CD200R1: variants seen among roughly 807,000 people sequenced by gnomAD.
The protein encoded by CD200R1 is cell surface glycoprotein CD200 receptor 1.
Under a neutral mutation model 38.1 loss-of-function variants are expected in CD200R1, and 30 were observed. The ratio of observed to expected loss-of-function variants is 0.79; its 90% CI spans 0.59 to 1.07. The LOEUF (loss-of-function observed/expected upper bound fraction) is 1.07. Ranked by LOEUF, CD200R1 falls within the 50% of genes least tolerant of loss-of-function variation. The pLI is 0.00. For missense variants in CD200R1, 372 were observed against 415.4 expected (o/e 0.90, Z 0.91); for synonymous variants, 128 against 152.1 (o/e 0.84, Z 1.16).
intron 1 of CD200R1, among the ~76,000 whole-genome samples, chr3:112,948,851 C>CT (rs1247220171): frequency 4.6e-5 from 7 of 152,160 alleles, no homozygotes; most frequent in Admixed American, 1.3e-4. Context: ...ACAATATCCC[C>CT]TTTTTTCCAA....
intron 2 of CD200R1, among the ~76,000 whole-genome samples, chr3:112,939,606 G>C (rs1018179023): frequency 2.6e-5 from 4 of 151,692 alleles, no homozygotes; most frequent in African/African-American, 9.7e-5. Flanking sequence ...ATCTCTGCAA[G>C]TAAAGCCATA....
intron 2 of CD200R1, among the ~76,000 whole-genome samples, chr3:112,942,699 AC>A (rs770994444): frequency 2.0e-5 from 3 of 151,554 alleles, no homozygotes; most frequent in Non-Finnish European, 3.0e-5. Context: ...AAAAAGCAAG[AC>A]CAATTATATG....
chr3:112,966,915 G>A (rs1161454627), intron 1 of CD200R1, among the ~76,000 whole-genome samples: 2 of 151,980 alleles, frequency 1.3e-5, no homozygotes, highest in Non-Finnish European at 2.9e-5. Flanking sequence ...CTGCTCCCAC[G>A]TCTATCTACT....
rs182754189 is a variant in CD200R1, at chr3:112,969,377, A to G, written c.67+5414T>C. On this transcript the variant is annotated intron_variant, in intron 1 of 7. Coordinates refer to ENST00000308611, the MANE Select transcript of CD200R1 (RefSeq NM_138806.4). ...GACCTACACTACTAGAAACAATAAC[A>G]GAAATTATTCAGGATGAAAGAAAAT... Among the ~76,000 whole-genome samples the G allele has an allele frequency of 2.6e-4, 40 of 152,332 alleles. 1 individual carries two copies. The highest frequency in any genetic ancestry group is 7.2e-4 in the Admixed American group (11 of 15,298).
intron 2 of CD200R1, among the ~76,000 whole-genome samples, chr3:112,946,069 A>G (rs1205974129): frequency 6.6e-6 from 1 of 151,368 alleles, no homozygotes; most frequent in Non-Finnish European, 1.5e-5. Flanking sequence ...CGAAAAGATA[A>G]GCCACATACT....
chr3:112,943,629 G>T (rs1016767391), intron 2 of CD200R1, among the ~76,000 whole-genome samples: 1 of 151,336 alleles, frequency 6.6e-6, no homozygotes, highest in African/African-American at 2.4e-5. Flanking sequence ...AATTAGAACA[G>T]AAGACAATAA....
At chr3:112,939,568 C>G (rs149310014) in intron 2 of CD200R1, among the ~76,000 whole-genome samples, 3,244 of 151,036 alleles carry the variant, frequency 0.021, 40 homozygotes, top group South Asian at 0.048. Context: ...AAAATATCTA[C>G]GAATGAATTT....
At chr3:112,966,731 C>T (rs1386791569) in intron 1 of CD200R1, among the ~76,000 whole-genome samples, 1 of 152,026 alleles carries the variant, frequency 6.6e-6, no homozygotes, top group East Asian at 1.9e-4. Context: ...CCTTTGAACA[C>T]ATTCAGGTTT....
At chr3:112,962,668 T>A (rs1933052520) in intron 1 of CD200R1, among the ~76,000 whole-genome samples, 1 of 152,172 alleles carries the variant, frequency 6.6e-6, no homozygotes, top group South Asian at 2.1e-4. Context: ...TTATTATTAA[T>A]TGGCAGCTAA....
At chr3:112,929,627 AT>A in intron 3 of CD200R1, 120 bp from the exon 4 acceptor site, 1 of 869,604 alleles carries the variant, frequency 1.1e-6, no homozygotes, top group African/African-American at 1.7e-5. Flanking sequence ...TATTCCAAAA[AT>A]ATTAGACCTT....
intron 6 of CD200R1, 97 bp downstream of exon 6, chr3:112,924,988 T>C (rs961222202): frequency 1.9e-5 from 14 of 730,992 alleles, no homozygotes; most frequent in Non-Finnish European, 3.1e-5. Context: ...GATTTGATGT[T>C]AACATCCTAA....
intron 1 of CD200R1, among the ~76,000 whole-genome samples, chr3:112,971,107 A>AG (rs76701518): frequency 0.028 from 4,329 of 152,284 alleles, 192 homozygotes; most frequent in East Asian, 0.21. Context: ...GATTAGTTCT[A>AG]GACCCCCAGA....
rs1218493100 is a variant in CD200R1 at position 112,929,208 on chromosome 3, A to C, written c.502T>G (p.Tyr168Asp). 3.7e-6 allele frequency: 6 copies of C among 1,614,216 alleles called. No homozygotes were observed. The East Asian group carries it at 1.3e-4, about 36-fold the overall frequency. The change falls in exon 4 of 8, where the codon TAT (tyrosine) becomes GAT (aspartate). Residue 168 changes from tyrosine to aspartate, a missense_variant. Coordinates refer to ENST00000308611, the MANE Select transcript of CD200R1 (RefSeq NM_138806.4). ...TCCTTACCTAACACTTGGAGGTGAT[A>C]TCCACGATGGAAATTCCCATCAGGT... ...VTPDGNFHRG[Y>D]HLQVLVTPEV...
chr3:112,974,882 T>A lies in CD200R1; in HGVS notation c.-25A>T, dbSNP rs1933404577. 1.3e-6 allele frequency: 2 copies of A among 1,599,118 alleles called. No homozygotes were observed. Among genetic ancestry groups the A allele is most frequent in the Non-Finnish European group, 1.7e-6 (2 of 1,166,972 alleles). On this transcript the variant is annotated 5_prime_UTR_variant, in exon 1 of 8. An upstream open reading frame in the 5' UTR loses its in-frame stop. Transcript: ENST00000308611. ...TTTCTGTTTTCTCTTTTTCTGCCCTTCACTCAGTACTTTTCCTCCACACAG... is the reference window on the plus strand; with the variant it reads ...TTTCTGTTTTCTCTTTTTCTGCCCTACACTCAGTACTTTTCCTCCACACAG...
At chr3:112,942,365 A>G (rs968377742) in intron 2 of CD200R1, among the ~76,000 whole-genome samples, 3 of 151,674 alleles carry the variant, frequency 2.0e-5, no homozygotes, top group Admixed American at 6.6e-5. Flanking sequence ...CACACTACCC[A>G]TGAAACAGTA....
At chr3:112,964,330 A>T (rs1933101755) in intron 1 of CD200R1, among the ~76,000 whole-genome samples, 1 of 152,144 alleles carries the variant, frequency 6.6e-6, no homozygotes, top group Non-Finnish European at 1.5e-5. Flanking sequence ...TGCCCCTGTA[A>T]AGGTCACAGA....
At chr3:112,944,628 A>G (rs1940804196) in intron 2 of CD200R1, among the ~76,000 whole-genome samples, 1 of 152,060 alleles carries the variant, frequency 6.6e-6, no homozygotes, top group African/African-American at 2.4e-5. Context: ...CACCACTGGA[A>G]TTTCTAACTA....
rs988210369 is a variant in CD200R1, at chr3:112,922,537, A to G, written c.*1140T>C. On this transcript the variant is annotated 3_prime_UTR_variant, in exon 8 of 8. Transcript: ENST00000308611. ...AATTATTCAATAAATATATCACAAT[A>G]GAATGTACACCATAAAAATACACAA... The G allele has an allele frequency of 6.6e-6, 1 of 151,990 alleles. No homozygotes were observed. Among genetic ancestry groups the G allele is most frequent in the African/African-American group, 2.4e-5 (1 of 41,446 alleles). 9.4% of individuals were successfully genotyped at this position (151,990 alleles called of 1,614,324 possible). A position where few individuals can be genotyped will look rare whatever the true frequency, so the allele number is the denominator to read the frequency against.
chr3:112,951,277 T>C (rs1940964544), intron 1 of CD200R1, among the ~76,000 whole-genome samples: 1 of 151,980 alleles, frequency 6.6e-6, no homozygotes. Context: ...AATGGACAAA[T>C]TCATTGAAGA....
Sources: allele counts gnomAD v4.1 joint callset (sites outside exome capture counted in the v4.1 genomes callset), GRCh38; gene constraint gnomAD v4.1.1; transcripts MANE v1.5; gene names NCBI Gene and HGNC (gene_info 2026-07-23, HGNC 2026-07-21).